Variants in SEMA6D observed in about 807,000 individuals in gnomAD.
SEMA6D encodes the protein semaphorin-6D.
A neutral mutation model predicts 106.6 loss-of-function variants in SEMA6D; 35 were observed. The ratio of observed to expected loss-of-function variants is 0.33; its 90% CI spans 0.25 to 0.44. SEMA6D has a LOEUF of 0.44. SEMA6D is among the 20% of genes least tolerant of loss of function. The probability of loss-of-function intolerance (pLI) is 1.00; values close to 1 mark genes in which losing one functional copy is unlikely to be tolerated. For synonymous variants in SEMA6D, 499 were observed against 487.7 expected, an observed-to-expected ratio of 1.02 and a Z score of -0.31; for missense variants, 1,185 against 1,345.9, an observed-to-expected ratio of 0.88 and a Z score of 1.87.
chr15:47,219,754 A>T (rs1405708864), intron 1 of SEMA6D, among the ~76,000 whole-genome samples: 1 of 152,236 alleles, frequency 6.6e-6, no homozygotes, highest in African/African-American at 2.4e-5. Flanking sequence ...TGAAAATATC[A>T]TCCATGTATT....
intron 4 of SEMA6D, among the ~76,000 whole-genome samples, chr15:47,684,789 G>T (rs1277467731): frequency 6.6e-6 from 1 of 152,116 alleles, no homozygotes; most frequent in Non-Finnish European, 1.5e-5. Context: ...ATTAGCATGA[G>T]TTTCAATTAT....
intron 3 of SEMA6D, among the ~76,000 whole-genome samples, chr15:47,484,242 G>C (rs933539597): frequency 6.6e-6 from 1 of 152,062 alleles, no homozygotes; most frequent in East Asian, 1.9e-4. Context: ...GTTATCTTCT[G>C]CCTGGCACCA....
intron 1 of SEMA6D, among the ~76,000 whole-genome samples, chr15:47,379,842 C>T (rs1383131625): frequency 6.6e-6 from 1 of 152,182 alleles, no homozygotes; most frequent in Non-Finnish European, 1.5e-5. Context: ...ACAGCAACCT[C>T]CACTTCCTGG....
chr15:47,587,247 C>A (rs1455395306), intron 3 of SEMA6D, among the ~76,000 whole-genome samples: 1 of 152,278 alleles, frequency 6.6e-6, no homozygotes, highest in East Asian at 1.9e-4. Context: ...CGTCACGGCT[C>A]TGTCCTGGGT....
intron 1 of SEMA6D, among the ~76,000 whole-genome samples, chr15:47,233,040 C>G (rs1220424479): frequency 1.3e-5 from 2 of 151,966 alleles, no homozygotes; most frequent in East Asian, 1.9e-4. Context: ...AATATTTATA[C>G]CTGAATTTCC....
intron 3 of SEMA6D, among the ~76,000 whole-genome samples, chr15:47,532,257 A>G (rs542341834): frequency 6.6e-6 from 1 of 152,288 alleles, no homozygotes; most frequent in South Asian, 2.1e-4. Flanking sequence ...TTCCATCACC[A>G]TCAAAACAAA....
chr15:47,624,537 G>A (rs1362897961), intron 4 of SEMA6D, among the ~76,000 whole-genome samples: 1 of 152,056 alleles, frequency 6.6e-6, no homozygotes, highest in African/African-American at 2.4e-5. Context: ...AAGTGTTCTT[G>A]AAAGATTAGA....
chr15:47,362,498 T>C (rs1343456918), intron 1 of SEMA6D, among the ~76,000 whole-genome samples: 1 of 152,122 alleles, frequency 6.6e-6, no homozygotes, highest in South Asian at 2.1e-4. Flanking sequence ...AACTCTGGCC[T>C]CTCCGTGTCC....
At chr15:47,651,573 G>A (rs1314807021) in intron 4 of SEMA6D, among the ~76,000 whole-genome samples, 1 of 152,182 alleles carries the variant, frequency 6.6e-6, no homozygotes, top group Non-Finnish European at 1.5e-5. Context: ...AATGCATAAA[G>A]AGTGTTCTAG....
intron 4 of SEMA6D, among the ~76,000 whole-genome samples, chr15:47,611,816 A>G (rs1397643196): frequency 1.3e-5 from 2 of 152,212 alleles, no homozygotes; most frequent in Admixed American, 1.3e-4. Context: ...GTCAAAAGTT[A>G]TGTTTTTGGA....
intron 3 of SEMA6D, among the ~76,000 whole-genome samples, chr15:47,509,456 C>G (rs1026966946): frequency 4.6e-5 from 7 of 152,066 alleles, no homozygotes; most frequent in Admixed American, 3.3e-4. Flanking sequence ...TGTTGTCAGC[C>G]CCTTCTTGGA....
intron 4 of SEMA6D, among the ~76,000 whole-genome samples, chr15:47,665,376 T>G (rs1398345568): frequency 6.6e-6 from 1 of 152,252 alleles, no homozygotes; most frequent in Non-Finnish European, 1.5e-5. Flanking sequence ...GTCTTTTGTT[T>G]TCTGCATTTC....
chr15:47,254,431 G>A (rs2033689595), intron 1 of SEMA6D, among the ~76,000 whole-genome samples: 1 of 150,470 alleles, frequency 6.6e-6, no homozygotes, highest in Admixed American at 6.7e-5. Flanking sequence ...TCTTCCTCTT[G>A]CCTAGTTGCT....
chr15:47,764,444 C>T, intron 11 of SEMA6D, 139 bp downstream of exon 11: 1 of 1,260,688 alleles, frequency 7.9e-7, no homozygotes, highest in South Asian at 1.5e-5. Context: ...GCAGACATAG[C>T]CTTGTGACCT....
chr15:47,690,389 T>A (rs2078560713), intron 4 of SEMA6D, among the ~76,000 whole-genome samples: 1 of 152,210 alleles, frequency 6.6e-6, no homozygotes, highest in Admixed American at 6.5e-5. Context: ...ATTATAGTTG[T>A]AAAATAGACA....
At chr15:47,237,326 C>G (rs1321590416) in intron 1 of SEMA6D, among the ~76,000 whole-genome samples, 5 of 152,090 alleles carry the variant, frequency 3.3e-5, no homozygotes, top group Non-Finnish European at 7.4e-5. Context: ...AATAGTTATT[C>G]CACTTAAATG....
At chr15:47,207,993 G>GCGCGCGCACA (rs1424944556) in intron 1 of SEMA6D, among the ~76,000 whole-genome samples, 15 of 89,454 alleles carry the variant, frequency 1.7e-4, no homozygotes, top group African/African-American at 5.7e-4. Flanking sequence ...TGGCGCGCGC[G>GCGCGCGCACA]CACACACACA....
intron 4 of SEMA6D, among the ~76,000 whole-genome samples, chr15:47,632,650 CT>C (rs770440824): frequency 1.3e-5 from 2 of 151,752 alleles, no homozygotes; most frequent in Non-Finnish European, 2.9e-5. Context: ...TATTTTCAAC[CT>C]TCCTATATTA....
intron 4 of SEMA6D, among the ~76,000 whole-genome samples, chr15:47,645,863 C>G (rs566409271): frequency 6.6e-6 from 1 of 152,008 alleles, no homozygotes; most frequent in African/African-American, 2.4e-5. Context: ...ACTGTTTACC[C>G]ATGTATTATA....
Sources: gnomAD v4.1 joint callset for allele counts (sites outside exome capture counted in the v4.1 genomes callset) on GRCh38, gnomAD v4.1.1 for gene constraint, MANE v1.5 for transcripts, NCBI Gene and HGNC (gene_info 2026-07-23, HGNC 2026-07-21) for gene names.